Variants in NACC2 observed in about 807,000 individuals in gnomAD.
The protein encoded by NACC2 is NACC family member 2.
NACC2 carries 8 observed loss-of-function variants against 25.1 expected under a neutral mutation model. The ratio of observed to expected loss-of-function variants is 0.32; its 90% CI spans 0.19 to 0.57. The LOEUF (loss-of-function observed/expected upper bound fraction) is 0.57, where lower values mean the gene tolerates loss of function less well. NACC2 is among the 20% of genes least tolerant of loss of function. The pLI, the probability that NACC2 is intolerant of heterozygous loss-of-function variation, is 0.89. For missense variants in NACC2, 644 were observed against 650.2 expected (o/e 0.99, Z 0.10); for synonymous variants, 435 against 294.7 (o/e 1.48, Z -4.88).
intron 2 of NACC2, among the ~76,000 whole-genome samples, chr9:136,045,819 C>T (rs1840714167): frequency 6.6e-6 from 1 of 152,180 alleles, no homozygotes; most frequent in East Asian, 1.9e-4. Context: ...TCGGCTGTTG[C>T]AGGGACCTGT....
intron 1 of NACC2, among the ~76,000 whole-genome samples, chr9:136,054,656 C>A (rs1840898476): frequency 6.6e-6 from 1 of 152,050 alleles, no homozygotes. Context: ...TCTCAGACAT[C>A]AGGGCATCCC....
chr9:136,058,725 G>A (rs1160495702), intron 1 of NACC2, among the ~76,000 whole-genome samples: 4 of 152,144 alleles, frequency 2.6e-5, no homozygotes, highest in Non-Finnish European at 4.4e-5. Flanking sequence ...TCTCTGAATC[G>A]AAAATAAAAG....
intron 3 of NACC2, among the ~76,000 whole-genome samples, chr9:136,015,559 C>T (rs1319147786): frequency 1.3e-5 from 2 of 152,302 alleles, no homozygotes; most frequent in South Asian, 2.1e-4. Context: ...CGAGACGCTG[C>T]CCAAGGTATG....
chr9:136,094,259 G>A (rs1830463655), intron 1 of NACC2, among the ~76,000 whole-genome samples: 1 of 152,152 alleles, frequency 6.6e-6, no homozygotes, highest in Non-Finnish European at 1.5e-5. Context: ...GTTGGGGGAG[G>A]GAGTGGAACG....
At chr9:136,082,190 G>GC (rs1286881437) in intron 1 of NACC2, among the ~76,000 whole-genome samples, 3 of 152,232 alleles carry the variant, frequency 2.0e-5, no homozygotes, top group Non-Finnish European at 4.4e-5. Flanking sequence ...GCTGAGGGAT[G>GC]CCCCCTCTGC....
Position 136,011,505 on chromosome 9 carries a change from C to A in NACC2, c.*11G>T, listed in dbSNP as rs753565129. ...TAGTACTCGGTCCCTCGCGCAGCCA[C>A]CCAGCTCCGCTTACAAGGTCCCTGC... On this transcript the variant is annotated 3_prime_UTR_variant, in exon 6 of 6. Coordinates refer to ENST00000277554, the MANE Select transcript of NACC2 (RefSeq NM_144653.5). 2.9e-6 allele frequency: 4 copies of A among 1,373,912 alleles called. No individual in the cohort carries two copies. Among genetic ancestry groups the A allele is most frequent in the South Asian group, 1.9e-5 (1 of 52,280 alleles). 85.1% of individuals were successfully genotyped at this position (1,373,912 alleles called of 1,614,324 possible). A position where few individuals can be genotyped will look rare whatever the true frequency, so the allele number is the denominator to read the frequency against.
chr9:136,046,729 C>T (rs1840731027), intron 2 of NACC2, among the ~76,000 whole-genome samples: 2 of 152,280 alleles, frequency 1.3e-5, no homozygotes, highest in East Asian at 1.9e-4. Context: ...AGAAATCAAA[C>T]GTGGCGGCTC....
At position 136,055,233 on chromosome 9, in the gene NACC2, G is replaced by A. The variant is rs1034918344; in HGVS notation, c.-59-4653C>T. 3.2e-4 allele frequency among the ~76,000 whole-genome samples: 48 copies of A among 152,174 alleles called. No homozygotes were observed. The highest frequency in any genetic ancestry group is 1.3e-4 in the Admixed American group (2 of 15,284). On this transcript the variant is annotated intron_variant, in intron 1 of 5. Transcript: ENST00000277554. The surrounding 1 kb of genome is among the most constrained non-coding windows in gnomAD (Gnocchi z 4.9). ...GGGCTCACTGGAACTGCAGCCAGAC[G>A]CGCACACAGGGGTTGGGGCAGCGTC...
rs1231299975 is a variant in NACC2 at position 136,050,031 on chromosome 9, G to A, written c.491C>T (p.Ser164Leu). 2 of 706,048 alleles carry A rather than the reference G, an allele frequency of 2.8e-6. No homozygotes were observed. The highest frequency in any genetic ancestry group is 1.7e-5 in the African/African-American group (1 of 57,912). The allele number at this position is 706,048 out of a possible 1,614,324, so 43.7% of individuals were successfully genotyped here. A position where few individuals can be genotyped will look rare whatever the true frequency, so the allele number is the denominator to read the frequency against. ...AAAAPYVVSP[S>L]VPIPLLTRVK... is the part of the protein sequence containing the mutation. Reference sequence around the variant, plus strand: ...TCGGGTCAGCAGCGGGATGGGCACCGAGGGGGACACGACGTAGGGGGCCGC... The same window carrying A: ...TCGGGTCAGCAGCGGGATGGGCACCAAGGGGGACACGACGTAGGGGGCCGC... The change falls in exon 2 of 6, where the codon TCG becomes TTG. Residue 164 changes from serine (S) to leucine (L), a missense_variant. Transcript: ENST00000277554.
Position 136,050,325 on chromosome 9 carries a change from G to A in NACC2, c.197C>T (p.Ala66Val). ...CGGCACGGAGCCGGGCAGCTCGAAG[G>A]CGCTCTTGCTGTTGCCGCTGAACAG... is the stretch of plus-strand genomic sequence containing the variant. The part of the protein sequence containing the change: ...RDLFSGNSKS[A>V]FELPGSVPPA... Residue 66 changes from alanine to valine, a missense_variant, in exon 2 of 6, where the codon GCC becomes GTC. Ala to Val is a moderately conservative substitution (Grantham distance 64, BLOSUM62 0). Transcript: ENST00000277554. 1 of 739,794 alleles carries A rather than the reference G, an allele frequency of 1.4e-6. No homozygotes were observed. 45.8% of individuals were successfully genotyped at this position (739,794 alleles called of 1,614,324 possible).
Position 136,011,799 on chromosome 9 carries a change from C to T in NACC2, c.1481G>A (p.Arg494His), listed in dbSNP as rs373719720. ...PPAAAQVFEQ[R>H]IYAERRGDAA... ...GTCGCCCCGCCGCTCGGCGTAGATG[C>T]GTTGCTCGAACACCTGTGCCGCGGC... Residue 494 changes from arginine to histidine, a missense_variant, in exon 6 of 6, where the codon CGC becomes CAC. Transcript: ENST00000277554. 13 of 1,579,194 alleles carry T rather than the reference C, an allele frequency of 8.2e-6. No homozygotes were observed. The highest frequency in any genetic ancestry group is 4.6e-5 in the East Asian group (2 of 43,134).
chr9:136,041,011 G>GAAGGAAAGGAAGGA (rs1554738656), intron 2 of NACC2, among the ~76,000 whole-genome samples: 3 of 98,334 alleles, frequency 3.1e-5, no homozygotes, highest in Admixed American at 1.9e-4. Flanking sequence ...AGAAAGGAAG[G>GAAGGAAAGGAAGGA]AAGGAAAGGA....
intron 1 of NACC2, among the ~76,000 whole-genome samples, chr9:136,074,864 C>A (rs1026932387): frequency 2.6e-4 from 40 of 152,160 alleles, no homozygotes; most frequent in African/African-American, 2.4e-5. Flanking sequence ...CGGCAGGAAG[C>A]GTGGCCTTCC....
Position 136,013,752 on chromosome 9 carries a change from T to A in NACC2, c.1157+112A>T, listed in dbSNP as rs1156806952. On this transcript the variant is annotated intron_variant, in intron 4 of 5. Coordinates refer to ENST00000277554, the MANE Select transcript of NACC2 (RefSeq NM_144653.5). The surrounding 1 kb of genome is among the most constrained non-coding windows in gnomAD (Gnocchi z 6.6). ...GACCGGCCACGGCTGAAGTCAGGAA[T>A]GCGAGAGGGCTTTCAATGCCACAAC... 4 of 928,572 alleles carry A rather than the reference T, an allele frequency of 4.3e-6. No homozygotes were observed. Among genetic ancestry groups the A allele is most frequent in the Non-Finnish European group, 6.4e-6 (4 of 621,026 alleles). The allele number at this position is 928,572 out of a possible 1,614,324, so 57.5% of individuals were successfully genotyped here.
intron 1 of NACC2, among the ~76,000 whole-genome samples, chr9:136,052,043 A>G (rs1840853024): frequency 6.6e-6 from 1 of 152,190 alleles, no homozygotes; most frequent in Non-Finnish European, 1.5e-5. Flanking sequence ...GATGCAGACG[A>G]ACGTTCCGGC....
intron 1 of NACC2, among the ~76,000 whole-genome samples, chr9:136,063,189 C>T (rs973870141): frequency 6.6e-6 from 1 of 152,180 alleles, no homozygotes; most frequent in Non-Finnish European, 1.5e-5. Context: ...CATTACGTGG[C>T]GGGGACCAGG....
Position 136,016,398 on chromosome 9 carries a change from C to T in NACC2, c.918G>A (p.Glu306=), listed in dbSNP as rs1840204436. Residue 306 remains glutamate, a synonymous_variant, in exon 3 of 6, where the codon GAG becomes GAA. Coordinates refer to ENST00000277554, the MANE Select transcript of NACC2 (RefSeq NM_144653.5). ...VQEKPEPVPL[E]SRSCVLIRRD... ...GGCGGATGAGGACGCAGGAGCGGCTCTCCAGCGGCACTGGCTCAGGCTTCT... is the reference window on the plus strand; with the variant it reads ...GGCGGATGAGGACGCAGGAGCGGCTTTCCAGCGGCACTGGCTCAGGCTTCT... 6.2e-7 allele frequency: 1 copy of T among 1,611,200 alleles called. No homozygotes were observed. Among genetic ancestry groups the T allele is most frequent in the Non-Finnish European group, 8.5e-7 (1 of 1,179,792 alleles).
intron 2 of NACC2, among the ~76,000 whole-genome samples, chr9:136,032,290 G>A (rs954876755): frequency 6.6e-6 from 1 of 152,204 alleles, no homozygotes; most frequent in Non-Finnish European, 1.5e-5. Flanking sequence ...AGCAGTCAAT[G>A]CAACTAAGCA....
At chr9:136,085,779 C>G (rs1184522936) in intron 1 of NACC2, among the ~76,000 whole-genome samples, 1 of 152,198 alleles carries the variant, frequency 6.6e-6, no homozygotes, top group Non-Finnish European at 1.5e-5. Context: ...TACCTTTTTT[C>G]TTAAACATCT....
Sources: allele counts gnomAD v4.1 joint callset (sites outside exome capture counted in the v4.1 genomes callset), GRCh38; gene constraint gnomAD v4.1.1; non-coding constraint Gnocchi (gnomAD v3.1); transcripts MANE v1.5; gene names NCBI Gene and HGNC (gene_info 2026-07-23, HGNC 2026-07-21).